The following ZNF536 variants were observed in gnomAD, a reference collection of about 807,000 sequenced individuals.
ZNF536 encodes zinc finger protein 536.
A neutral mutation model predicts 84.5 loss-of-function variants in ZNF536; 13 were observed. The observed-to-expected ratio is 0.15, with a 90% CI of 0.10 to 0.24. The LOEUF (loss-of-function observed/expected upper bound fraction) is 0.24, where lower values mean the gene tolerates loss of function less well. ZNF536 is among the 10% of genes least tolerant of loss of function. The pLI is 1.00. For missense variants in ZNF536, 1,536 were observed against 1,747.5 expected, an observed-to-expected ratio of 0.88 and a Z score of 2.16; for synonymous variants, 811 against 742.5, an observed-to-expected ratio of 1.09 and a Z score of -1.50.
At chr19:30,574,005 T>C (rs1336188681) in intron 1 of ZNF536, among the ~76,000 whole-genome samples, 8 of 152,182 alleles carry the variant, frequency 5.3e-5, no homozygotes, top group Admixed American at 4.6e-4. Flanking sequence ...TTCAAATAAA[T>C]AGCTGTTTCT....
chr19:30,447,408 T>A (rs549815994), intron 2 of ZNF536, among the ~76,000 whole-genome samples: 1 of 152,228 alleles, frequency 6.6e-6, no homozygotes, highest in Non-Finnish European at 1.5e-5. Flanking sequence ...GACACATAAA[T>A]CTGGTCTGCA....
At chr19:30,636,952 G>A (rs562129716) in intron 1 of ZNF536, among the ~76,000 whole-genome samples, 1 of 152,244 alleles carries the variant, frequency 6.6e-6, no homozygotes, top group South Asian at 2.1e-4. Context: ...TTTTTCTCCT[G>A]GGCTGGATCC....
intron 3 of ZNF536, among the ~76,000 whole-genome samples, chr19:30,358,041 G>C (rs1010900040): frequency 2.6e-5 from 4 of 152,192 alleles, no homozygotes; most frequent in African/African-American, 7.2e-5. Flanking sequence ...GGGTCATCAT[G>C]CACGCAGGGT....
chr19:30,693,132 C>T (rs185821306), intron 1 of ZNF536, among the ~76,000 whole-genome samples: 4 of 152,142 alleles, frequency 2.6e-5, no homozygotes, highest in African/African-American at 9.6e-5. Flanking sequence ...CTCCGTGCTT[C>T]GGACACCCCC....
chr19:30,407,532 C>A (rs1182180967), intron 1 of ZNF536, among the ~76,000 whole-genome samples: 2 of 152,006 alleles, frequency 1.3e-5, no homozygotes, highest in Non-Finnish European at 2.9e-5. Flanking sequence ...CCCCAGACGA[C>A]AGTCACAAGC....
At chr19:30,333,702 C>T (rs2047290415) in intron 2 of ZNF536, among the ~76,000 whole-genome samples, 1 of 152,194 alleles carries the variant, frequency 6.6e-6, no homozygotes, top group South Asian at 2.1e-4. Flanking sequence ...AAAAAGTGAC[C>T]TTGGACTGTG....
At chr19:30,520,943 C>T (rs866319651) in intron 2 of ZNF536, among the ~76,000 whole-genome samples, 10 of 152,170 alleles carry the variant, frequency 6.6e-5, no homozygotes, top group Admixed American at 4.6e-4. Flanking sequence ...AGCCCAGAGC[C>T]GGCCATTGCC....
chr19:30,694,184 T>C (rs986928989), intron 1 of ZNF536, among the ~76,000 whole-genome samples: 4 of 152,226 alleles, frequency 2.6e-5, no homozygotes, highest in Admixed American at 2.6e-4. Context: ...CAGCACACCC[T>C]TGGCACAAGC....
rs1449059670 is a variant in ZNF536 at position 30,452,777 on chromosome 19, C to G, written c.2170+7045C>G. ...CAAATCCGTGATGATTGGACTGGAACCTTTGCCATCTGTGACCCTTGGGCC... is the reference window on the plus strand; with the variant it reads ...CAAATCCGTGATGATTGGACTGGAAGCTTTGCCATCTGTGACCCTTGGGCC... On this transcript the variant is annotated intron_variant, in intron 2 of 4. Transcript: ENST00000355537. Among the ~76,000 whole-genome samples, 3 of 152,114 alleles carry G rather than the reference C, an allele frequency of 2.0e-5. No individual in the cohort carries two copies. The East Asian group carries it at 5.8e-4, about 29-fold the overall frequency.
intron 1 of ZNF536, among the ~76,000 whole-genome samples, chr19:30,590,307 G>A (rs541319206): frequency 6.6e-6 from 1 of 152,342 alleles, no homozygotes; most frequent in South Asian, 2.1e-4. Context: ...CTGACTTGTG[G>A]TGAGGGGTAG....
intron 1 of ZNF536, among the ~76,000 whole-genome samples, chr19:30,607,368 T>C (rs1236315566): frequency 6.6e-6 from 1 of 152,158 alleles, no homozygotes; most frequent in Non-Finnish European, 1.5e-5. Context: ...TTAATTTTAA[T>C]TACGCTCTTC....
intron 3 of ZNF536, among the ~76,000 whole-genome samples, chr19:30,544,120 C>G (rs545183499): frequency 1.3e-5 from 2 of 152,278 alleles, no homozygotes; most frequent in Middle Eastern, 3.4e-3. Context: ...AAGGGTTTAT[C>G]CCCTGGAACA....
chr19:30,285,704 T>G (rs1020858079), intron 2 of ZNF536, among the ~76,000 whole-genome samples: 1 of 152,174 alleles, frequency 6.6e-6, no homozygotes, highest in Non-Finnish European at 1.5e-5. Context: ...TCTTTCACAT[T>G]TGGCATTATT....
intron 1 of ZNF536, among the ~76,000 whole-genome samples, chr19:30,678,012 G>A (rs559125402): frequency 7.9e-5 from 12 of 152,274 alleles, no homozygotes; most frequent in African/African-American, 2.4e-4. Context: ...TTCTGGCCAC[G>A]GTTGAGAATG....
intron 1 of ZNF536, among the ~76,000 whole-genome samples, chr19:30,666,820 ATG>A (rs998187633): frequency 2.8e-4 from 41 of 145,310 alleles, no homozygotes; most frequent in African/African-American, 7.7e-4. Context: ...ATGTGTATAT[ATG>A]TGTGTGTGTG....
intron 1 of ZNF536, among the ~76,000 whole-genome samples, chr19:30,282,567 A>C (rs1336770698): frequency 6.6e-6 from 1 of 152,314 alleles, no homozygotes; most frequent in East Asian, 1.9e-4. Flanking sequence ...TTTGCAAGTC[A>C]TGAGCTTAGA....
chr19:30,454,144 C>T (rs1272716520), intron 2 of ZNF536, among the ~76,000 whole-genome samples: 1 of 152,270 alleles, frequency 6.6e-6, no homozygotes, highest in Admixed American at 6.5e-5. Context: ...TTCAGTTTTA[C>T]TCTGTGCCAT....
intron 1 of ZNF536, among the ~76,000 whole-genome samples, chr19:30,589,808 C>A (rs537240479): frequency 2.0e-5 from 3 of 152,286 alleles, no homozygotes; most frequent in Middle Eastern, 6.8e-3. Flanking sequence ...AACCCTCTGG[C>A]ACTTCCAGCC....
chr19:30,702,335 G>A (rs1337133386), intron 1 of ZNF536, among the ~76,000 whole-genome samples: 1 of 152,116 alleles, frequency 6.6e-6, no homozygotes, highest in Non-Finnish European at 1.5e-5. Flanking sequence ...TCTTTACCAC[G>A]GCTCTACGGC....
Sources: gnomAD v4.1 joint callset for allele counts (sites outside exome capture counted in the v4.1 genomes callset) on GRCh38, gnomAD v4.1.1 for gene constraint, MANE v1.5 for transcripts, NCBI Gene and HGNC (gene_info 2026-07-23, HGNC 2026-07-21) for gene names.